RPS6KA5: variants seen among roughly 807,000 people sequenced by gnomAD.
The protein encoded by RPS6KA5 is ribosomal protein S6 kinase alpha-5.
A neutral mutation model predicts 85.5 loss-of-function variants in RPS6KA5; 27 were observed. The observed-to-expected ratio is 0.32, with a 90% CI of 0.23 to 0.44. RPS6KA5 has a LOEUF of 0.44. Ranked by LOEUF, RPS6KA5 falls within the 20% of genes least tolerant of loss-of-function variation. RPS6KA5 has a pLI of 1.00. For missense variants in RPS6KA5, 811 were observed against 980.9 expected (o/e 0.83, Z 2.31); for synonymous variants, 334 against 348.2 (o/e 0.96, Z 0.46).
chr14:90,974,117 T>A (rs997774885), intron 3 of RPS6KA5, among the ~76,000 whole-genome samples: 1 of 150,008 alleles, frequency 6.7e-6, no homozygotes, highest in Non-Finnish European at 1.5e-5. Flanking sequence ...TATAACCTTA[T>A]GATGAAGGGA....
intron 4 of RPS6KA5, among the ~76,000 whole-genome samples, chr14:90,946,992 A>G (rs759571855): frequency 6.6e-6 from 1 of 152,220 alleles, no homozygotes; most frequent in Non-Finnish European, 1.5e-5. Flanking sequence ...AATGGAAAAG[A>G]AAGCCAGAGT....
In RPS6KA5 at chr14:90,865,416, CTA is replaced by C. The variant is rs1347378029; in HGVS notation, c.*6656_*6657del. ...ATCAAATTAAACCAGACACAAAAAC[CTA>C]TAGACTGGATAATTCCATGTATAGG... On this transcript the variant is annotated 3_prime_UTR_variant, in exon 17 of 17. Transcript: ENST00000614987. 1 of 152,180 alleles carries C rather than the reference CTA, an allele frequency of 6.6e-6. No individual in the cohort carries two copies. The highest frequency in any genetic ancestry group is 1.5e-5 in the Non-Finnish European group (1 of 68,034). 9.4% of individuals were successfully genotyped at this position (152,180 alleles called of 1,614,324 possible).
chr14:90,974,171 GA>G (rs2039458758), intron 3 of RPS6KA5, among the ~76,000 whole-genome samples: 1 of 151,892 alleles, frequency 6.6e-6, no homozygotes, highest in South Asian at 2.1e-4. Context: ...CACTAATTGG[GA>G]AAAATCGGAT....
intron 4 of RPS6KA5, among the ~76,000 whole-genome samples, chr14:90,945,157 T>C (rs2037808512): frequency 6.7e-6 from 1 of 150,144 alleles, no homozygotes; most frequent in Non-Finnish European, 1.5e-5. Flanking sequence ...GAGGCTGAGG[T>C]AGGAGGATCA....
chr14:91,034,306 C>CAAA (rs201455291), intron 1 of RPS6KA5, among the ~76,000 whole-genome samples: 1 of 108,646 alleles, frequency 9.2e-6, no homozygotes. Flanking sequence ...AACCCTGTCT[C>CAAA]AAAAAAAAAA....
Position 90,920,897 on chromosome 14 carries a change from CTTTTA to C in RPS6KA5, c.703-593_703-589del, listed in dbSNP as rs556990008. 1.4e-4 allele frequency among the ~76,000 whole-genome samples: 21 copies of C among 151,960 alleles called. 1 individual carries two copies. The highest frequency in any genetic ancestry group is 5.2e-4 in the Admixed American group (8 of 15,262). ...GAAAATTATATATAATTTAAAGAATCTTTTATTTTATTTTATTTGAGATGGGGTCT... is the reference window on the plus strand; with the variant it reads ...GAAAATTATATATAATTTAAAGAATCTTTTATTTTATTTGAGATGGGGTCT... On this transcript the variant is annotated intron_variant, in intron 6 of 16. Coordinates refer to ENST00000614987, the MANE Select transcript of RPS6KA5 (RefSeq NM_004755.4).
intron 1 of RPS6KA5, among the ~76,000 whole-genome samples, chr14:91,015,343 T>G (rs1476066892): frequency 6.6e-6 from 1 of 152,168 alleles, no homozygotes; most frequent in Non-Finnish European, 1.5e-5. Flanking sequence ...TTCAGTATTT[T>G]TGCAAGCAAA....
At chr14:90,982,267 C>A (rs78433241) in intron 2 of RPS6KA5, among the ~76,000 whole-genome samples, 2,703 of 142,540 alleles carry the variant, frequency 0.019, 62 homozygotes, top group African/African-American at 0.068. Context: ...AAGACTACCA[C>A]AGTGAAAATT....
intron 3 of RPS6KA5, among the ~76,000 whole-genome samples, chr14:90,948,808 C>A (rs1281680870): frequency 2.6e-5 from 4 of 152,002 alleles, no homozygotes; most frequent in African/African-American, 9.7e-5. Flanking sequence ...GTCACAAATG[C>A]AATTTAAAGC....
At chr14:91,042,744 C>G (rs796974772) in intron 1 of RPS6KA5, among the ~76,000 whole-genome samples, 20 of 137,938 alleles carry the variant, frequency 1.4e-4, no homozygotes, top group African/African-American at 5.0e-4. Context: ...GACCTCCTAA[C>G]CCCCCAGGTG....
At chr14:90,944,517 A>G (rs2037763373) in intron 4 of RPS6KA5, among the ~76,000 whole-genome samples, 1 of 152,140 alleles carries the variant, frequency 6.6e-6, no homozygotes, top group African/African-American at 2.4e-5. Context: ...ACATTTTGGG[A>G]GGCCGAGGTG....
intron 2 of RPS6KA5, among the ~76,000 whole-genome samples, chr14:90,989,842 C>G (rs2040226485): frequency 6.6e-6 from 1 of 152,084 alleles, no homozygotes; most frequent in Non-Finnish European, 1.5e-5. Flanking sequence ...TATTATACTT[C>G]ACACAATGCT....
At chr14:91,023,294 CT>C (rs919697162) in intron 1 of RPS6KA5, among the ~76,000 whole-genome samples, 70 of 143,612 alleles carry the variant, frequency 4.9e-4, no homozygotes, top group South Asian at 4.4e-4. Context: ...CAAATTTTTT[CT>C]TTTTTTTTTT....
At chr14:90,883,420 C>A in intron 14 of RPS6KA5, among the ~76,000 whole-genome samples, 1 of 152,138 alleles carries the variant, frequency 6.6e-6, no homozygotes. Flanking sequence ...CTCTGAAACC[C>A]TCTATTGAAT....
intron 7 of RPS6KA5, among the ~76,000 whole-genome samples, chr14:90,916,736 G>C (rs1308011608): frequency 6.6e-6 from 1 of 152,118 alleles, no homozygotes; most frequent in African/African-American, 2.4e-5. Flanking sequence ...CCATGACAAA[G>C]TGGATAATTA....
intron 1 of RPS6KA5, among the ~76,000 whole-genome samples, chr14:91,053,684 A>G (rs2043188622): frequency 6.6e-6 from 1 of 152,242 alleles, no homozygotes; most frequent in Non-Finnish European, 1.5e-5. Flanking sequence ...AACGTTGTTG[A>G]AAGTAATTGA....
intron 2 of RPS6KA5, among the ~76,000 whole-genome samples, chr14:90,995,920 ATAAG>A (rs773635988): frequency 2.0e-4 from 31 of 152,156 alleles, no homozygotes; most frequent in Non-Finnish European, 3.7e-4. Flanking sequence ...TCTCTACTAA[ATAAG>A]TAAATAAGCA....
intron 3 of RPS6KA5, among the ~76,000 whole-genome samples, chr14:90,955,947 A>C (rs1381460118): frequency 6.6e-6 from 1 of 152,206 alleles, no homozygotes; most frequent in Non-Finnish European, 1.5e-5. Flanking sequence ...TGGGTTCTGC[A>C]TCCACTGATT....
chr14:90,928,099 T>G (rs1219506196), intron 5 of RPS6KA5, among the ~76,000 whole-genome samples: 1 of 151,958 alleles, frequency 6.6e-6, no homozygotes, highest in African/African-American at 2.4e-5. Context: ...GGCTAATTTT[T>G]GTACTTTTTG....
Sources: gnomAD v4.1 joint callset for allele counts (sites outside exome capture counted in the v4.1 genomes callset) on GRCh38, gnomAD v4.1.1 for gene constraint, MANE v1.5 for transcripts, NCBI Gene and HGNC (gene_info 2026-07-23, HGNC 2026-07-21) for gene names.